The following ANKRD36B variants were observed in gnomAD, a reference collection of about 807,000 sequenced individuals.
The protein encoded by ANKRD36B is ankyrin repeat domain 36B.
Under a neutral mutation model 135.7 loss-of-function variants are expected in ANKRD36B, and 37 were observed. The observed-to-expected ratio is 0.27, with a 90% CI of 0.21 to 0.36. The LOEUF is 0.36. ANKRD36B is among the 10% of genes least tolerant of loss of function. The pLI is 1.00. For synonymous variants in ANKRD36B, 179 were observed against 348.1 expected, an observed-to-expected ratio of 0.51 and a Z score of 5.41; for missense variants, 549 against 1,037.1, an observed-to-expected ratio of 0.53 and a Z score of 6.46.
At chr2:97,554,991 T>A in intron 14 of ANKRD36B, 69 bp downstream of exon 14, 1 of 1,548,264 alleles carries the variant, frequency 6.5e-7, no homozygotes, top group Non-Finnish European at 8.8e-7. Context: ...CCCCACTGAT[T>A]TATTTGGGGA....
Position 97,549,596 on chromosome 2 carries a change from G to A in ANKRD36B, c.1394C>T (p.Pro465Leu). The A allele has an allele frequency of 6.2e-7, 1 of 1,608,662 alleles. No individual in the cohort carries two copies. The highest frequency in any genetic ancestry group is 8.5e-7 in the Non-Finnish European group (1 of 1,177,918). ...TGAGAGTTTCATTACCTTCAAGGCT[G>A]GTGGTTTCTGAGAAGACACTGAAAA... is the stretch of plus-strand genomic sequence containing the variant. ...ISRTVSSQKP[P>L]ALKATSVKED... The change falls in exon 19 of 44, where the codon CCA (proline) becomes CTA (leucine). Residue 465 changes from proline to leucine, a missense_variant. Pro to Leu is a moderately conservative substitution (Grantham distance 98). Transcript: ENST00000359901.
intron 43 of ANKRD36B, among the ~76,000 whole-genome samples, chr2:97,504,508 A>G (rs1399302956): frequency 1.3e-5 from 1 of 74,272 alleles, no homozygotes; most frequent in African/African-American, 4.7e-5. Context: ...GGCAGATCAC[A>G]AGGTCAGGAG....
At chr2:97,580,656 A>C (rs2082573369) in intron 3 of ANKRD36B, 88 bp from the exon 4 acceptor site, 1 of 1,245,646 alleles carries the variant, frequency 8.0e-7, no homozygotes, top group African/African-American at 1.6e-5. Flanking sequence ...TGTGAGCTTC[A>C]ATATATACAA....
chr2:97,571,334 G>A (rs1055951634), intron 6 of ANKRD36B, among the ~76,000 whole-genome samples: 1 of 152,180 alleles, frequency 6.6e-6, no homozygotes, highest in Non-Finnish European at 1.5e-5. Flanking sequence ...CTGGGAAACA[G>A]AGTGAGACCC....
chr2:97,556,532 A>C (rs912805627), intron 12 of ANKRD36B, among the ~76,000 whole-genome samples: 10 of 151,802 alleles, frequency 6.6e-5, no homozygotes, highest in Non-Finnish European at 1.5e-4. Flanking sequence ...CTCATTCTCC[A>C]GTGTCTACGG....
chr2:97,574,839 G>C (rs888060526), intron 6 of ANKRD36B, among the ~76,000 whole-genome samples: 1 of 151,962 alleles, frequency 6.6e-6, no homozygotes, highest in Admixed American at 6.6e-5. Flanking sequence ...TGACAATTCT[G>C]TAAAAGTGTG....
chr2:97,559,026 C>T (rs200615294), intron 8 of ANKRD36B, 32 bp from the exon 9 acceptor site: 23 of 1,602,104 alleles, frequency 1.4e-5, no homozygotes, highest in Admixed American at 1.0e-4. Flanking sequence ...TAATCACTCA[C>T]ATGTACATAT....
rs546432712 is a variant in ANKRD36B, at chr2:97,584,369, C to A, written c.450+575G>T. On this transcript the variant is annotated intron_variant, in intron 3 of 43. Transcript: ENST00000359901. ...AACAAACAACAAAACACACAAAAAC[C>A]CTCTCCACAGTATTTTCCCTCATTA... Among the ~76,000 whole-genome samples, 31 of 120,690 alleles carry A rather than the reference C, an allele frequency of 2.6e-4. No homozygotes were observed. The East Asian group carries it at 3.4e-3, about 13-fold the overall frequency. The allele number at this position is 120,690 out of a possible 152,430, so 79.2% of individuals were successfully genotyped here.
At chr2:97,575,196 CT>C (rs2082145299) in intron 6 of ANKRD36B, among the ~76,000 whole-genome samples, 1 of 152,002 alleles carries the variant, frequency 6.6e-6, no homozygotes, top group African/African-American at 2.4e-5. Flanking sequence ...TTCACCAACT[CT>C]TTTTTTCCTG....
rs1337358877 is a variant in ANKRD36B at position 97,532,431 on chromosome 2, A to G, written c.2192-47T>C. On this transcript the variant is annotated intron_variant, in intron 34 of 43. Transcript: ENST00000359901. ...TTAAAATGAGCTACACAGAACAGTTAGATAAAAGCCATGGTCAGCGGTGGC... is the reference window on the plus strand; with the variant it reads ...TTAAAATGAGCTACACAGAACAGTTGGATAAAAGCCATGGTCAGCGGTGGC... 8.1e-6 allele frequency: 4 copies of G among 496,414 alleles called. 1 individual carries two copies. The East Asian group carries it at 1.3e-4, about 16-fold the overall frequency. 30.8% of individuals were successfully genotyped at this position (496,414 alleles called of 1,614,324 possible).
At position 97,556,235 on chromosome 2, in the gene ANKRD36B, A is replaced by T. The variant is rs2080510177; in HGVS notation, c.1069+702T>A. On this transcript the variant is annotated intron_variant, in intron 12 of 43. Transcript: ENST00000359901. ...ATATTAAATTTTAACTCATTTGAAT[A>T]ACTAATAAAAAATATATGTCTGATG... 2.0e-5 allele frequency among the ~76,000 whole-genome samples: 3 copies of T among 151,924 alleles called. No individual in the cohort carries two copies. In the South Asian group the frequency reaches 6.2e-4, roughly 31 times the overall value.
At chr2:97,563,113 T>C (rs1013434700) in intron 6 of ANKRD36B, among the ~76,000 whole-genome samples, 1 of 152,014 alleles carries the variant, frequency 6.6e-6, no homozygotes, top group Non-Finnish European at 1.5e-5. Flanking sequence ...CACCACTATG[T>C]TTATGCTTTC....
At chr2:97,535,484 AAAACAC>A (rs1248492117) in intron 34 of ANKRD36B, among the ~76,000 whole-genome samples, 2 of 67,424 alleles carry the variant, frequency 3.0e-5, no homozygotes, top group Admixed American at 1.1e-4. Flanking sequence ...ACAAAAAAAT[AAAACAC>A]ACACACACAC....
intron 20 of ANKRD36B, among the ~76,000 whole-genome samples, chr2:97,548,087 A>G (rs1411650218): frequency 1.3e-5 from 2 of 151,906 alleles, no homozygotes; most frequent in East Asian, 1.9e-4. Context: ...CAGGTGCTAC[A>G]TGATCCCACA....
At chr2:97,574,934 T>C (rs1335393970) in intron 6 of ANKRD36B, among the ~76,000 whole-genome samples, 2 of 152,116 alleles carry the variant, frequency 1.3e-5, no homozygotes, top group Non-Finnish European at 2.9e-5. Context: ...CGCAGGATCT[T>C]GGTAGATTTG....
At position 97,534,776 on chromosome 2, in the gene ANKRD36B, C is replaced by G. The variant is rs2078774170; in HGVS notation, c.2191+1524G>C. 2.1e-5 allele frequency among the ~76,000 whole-genome samples: 2 copies of G among 96,364 alleles called. 1 individual carries two copies. The highest frequency in any genetic ancestry group is 4.7e-4 in the South Asian group (2 of 4,236). 63.2% of individuals were successfully genotyped at this position (96,364 alleles called of 152,430 possible). A position where few individuals can be genotyped will look rare whatever the true frequency, so the allele number is the denominator to read the frequency against. On this transcript the variant is annotated intron_variant, in intron 34 of 43. Coordinates refer to ENST00000359901, the MANE Select transcript of ANKRD36B (RefSeq NM_001393939.1). ...ACTATGGAGAACACTATAGAGTCCT[C>G]AAAAAATTAAAAATACAGCTACCCA...
At chr2:97,585,447 T>C (rs1559252287) in intron 1 of ANKRD36B, 49 bp from the exon 2 acceptor site, 3 of 1,530,748 alleles carry the variant, frequency 2.0e-6, no homozygotes, top group East Asian at 2.5e-5. Context: ...AAGCATTAAT[T>C]AGCATGTTAT....
chr2:97,574,071 C>A (rs1231472753), intron 6 of ANKRD36B, among the ~76,000 whole-genome samples: 10 of 152,080 alleles, frequency 6.6e-5, no homozygotes, highest in Non-Finnish European at 1.5e-5. Context: ...TTCTGCACAG[C>A]AAAAGAAACT....
chr2:97,525,838 G>C (rs2078173665), intron 35 of ANKRD36B, among the ~76,000 whole-genome samples: 1 of 98,248 alleles, frequency 1.0e-5, no homozygotes, highest in Non-Finnish European at 2.7e-5. Flanking sequence ...CAAGGCAGCA[G>C]TGAGGCTGGG....
Sources: allele counts gnomAD v4.1 joint callset (sites outside exome capture counted in the v4.1 genomes callset), GRCh38; gene constraint gnomAD v4.1.1; transcripts MANE v1.5; gene names NCBI Gene and HGNC (gene_info 2026-07-23, HGNC 2026-07-21).